USP37: variants seen among roughly 807,000 people sequenced by gnomAD.
USP37 encodes ubiquitin carboxyl-terminal hydrolase 37.
In USP37, 27 loss-of-function variants were observed where a neutral mutation model predicts 124.0. The observed-to-expected ratio is 0.22, with a 90% CI of 0.16 to 0.30. USP37 has a LOEUF of 0.30. Ranked by LOEUF, USP37 falls within the 10% of genes least tolerant of loss-of-function variation. The pLI, the probability that USP37 is intolerant of heterozygous loss-of-function variation, is 1.00. For synonymous variants in USP37, 365 were observed against 388.0 expected (o/e 0.94, Z 0.70); for missense variants, 889 against 1,140.4 (o/e 0.78, Z 3.17).
chr2:218,486,260 A>G (rs1691553707), intron 15 of USP37: 2 of 152,414 alleles, frequency 1.3e-5, no homozygotes, highest in South Asian at 4.1e-4. Flanking sequence ...CCTAGAGAAC[A>G]CTGAAACAAG....
At chr2:218,458,866 A>G (rs1280181133) in intron 23 of USP37, among the ~76,000 whole-genome samples, 1 of 152,138 alleles carries the variant, frequency 6.6e-6, no homozygotes, top group Admixed American at 6.6e-5. Flanking sequence ...CAGGAGTCTG[A>G]AGCCAGCCTG....
chr2:218,474,987 TCTTTGATG>T, intron 19 of USP37, 102 bp from the exon 20 acceptor site: 2 of 1,240,236 alleles, frequency 1.6e-6, no homozygotes, highest in Non-Finnish European at 2.2e-6. Context: ...AAGTTTCCTT[TCTTTGATG>T]CTTTGGGTTA....
chr2:218,567,377 C>A (rs1467797575), intron 1 of USP37, among the ~76,000 whole-genome samples: 1 of 152,102 alleles, frequency 6.6e-6, no homozygotes, highest in East Asian at 1.9e-4. Context: ...TACTCTTTTT[C>A]GGCAATTTCA....
At position 218,533,074 on chromosome 2, in the gene USP37, AT is replaced by A. The variant is rs374467819; in HGVS notation, c.778+1534del. Among the ~76,000 whole-genome samples the A allele has an allele frequency of 2.0e-4, 31 of 152,182 alleles. 1 individual carries two copies. In the East Asian group the frequency reaches 4.4e-3, roughly 22 times the overall value. ...CTTGCTTTTTTGTGCTATTAGCTTT[AT>A]TTATGTGGTCTGGAACTACATCTGC... is the stretch of plus-strand genomic sequence containing the variant. On this transcript the variant is annotated intron_variant, in intron 9 of 25. Coordinates refer to ENST00000258399, the MANE Select transcript of USP37 (RefSeq NM_020935.3).
At chr2:218,467,590 G>A (rs1277384862) in intron 20 of USP37, among the ~76,000 whole-genome samples, 1 of 151,864 alleles carries the variant, frequency 6.6e-6, no homozygotes, top group Non-Finnish European at 1.5e-5. Flanking sequence ...CTTGTGATCC[G>A]CCCACCTCAG....
At chr2:218,557,270 G>A (rs1002218208) in intron 4 of USP37, among the ~76,000 whole-genome samples, 1 of 152,038 alleles carries the variant, frequency 6.6e-6, no homozygotes, top group African/African-American at 2.4e-5. Context: ...TGAAGTCACA[G>A]GTAAAACCGT....
chr2:218,539,575 C>T (rs2106035055), intron 8 of USP37, among the ~76,000 whole-genome samples: 1 of 151,968 alleles, frequency 6.6e-6, no homozygotes, highest in African/African-American at 2.4e-5. Flanking sequence ...ATTAGCTAGG[C>T]ACGGTGGTGA....
At chr2:218,506,519 G>C (rs1689688884) in intron 11 of USP37, among the ~76,000 whole-genome samples, 1 of 150,852 alleles carries the variant, frequency 6.6e-6, no homozygotes, top group South Asian at 2.1e-4. Context: ...TCGAACTCCT[G>C]ACCTCAGGCG....
At chr2:218,458,100 T>G (rs977533027) in intron 23 of USP37, among the ~76,000 whole-genome samples, 1 of 149,102 alleles carries the variant, frequency 6.7e-6, no homozygotes, top group Non-Finnish European at 1.5e-5. Flanking sequence ...GGAATATGGC[T>G]ATATGTAAAC....
chr2:218,470,969 G>A (rs1690649153), intron 20 of USP37, among the ~76,000 whole-genome samples: 2 of 152,154 alleles, frequency 1.3e-5, no homozygotes, highest in African/African-American at 4.8e-5. Context: ...GAGGGAGAGA[G>A]GGAGGGAGAA....
At chr2:218,556,624 C>T (rs1692997770) in intron 4 of USP37, among the ~76,000 whole-genome samples, 1 of 147,392 alleles carries the variant, frequency 6.8e-6, no homozygotes, top group Admixed American at 6.9e-5. Flanking sequence ...AGCTATTCTC[C>T]TGCTTCAGCC....
chr2:218,539,630 G>A (rs1015638793), intron 8 of USP37, among the ~76,000 whole-genome samples: 14 of 151,992 alleles, frequency 9.2e-5, no homozygotes, highest in East Asian at 1.9e-4. Flanking sequence ...TGGAAGGATC[G>A]CCTGAGCCCG....
At position 218,450,634 on chromosome 2, in the gene USP37, C is replaced by T. The variant is rs1016089533; in HGVS notation, c.*4296G>A. 4.6e-5 allele frequency: 7 copies of T among 152,364 alleles called. No homozygotes were observed. Among genetic ancestry groups the T allele is most frequent in the Non-Finnish European group, 7.4e-5 (5 of 68,006 alleles). The allele number at this position is 152,364 out of a possible 1,614,324, so 9.4% of individuals were successfully genotyped here. On this transcript the variant is annotated 3_prime_UTR_variant, in exon 26 of 26. Transcript: ENST00000258399. ...ACCTGGGGACAAGAGGTGTGCACAC[C>T]CACATGTGGTCTCACTCTTCACACA... is the stretch of plus-strand genomic sequence containing the variant.
At chr2:218,484,700 G>T (rs1691458678) in intron 16 of USP37, among the ~76,000 whole-genome samples, 2 of 150,978 alleles carry the variant, frequency 1.3e-5, no homozygotes, top group Admixed American at 6.6e-5. Context: ...AGTAGATTAT[G>T]AAATGTAAAA....
At chr2:218,498,237 TA>T (rs1363979649) in intron 11 of USP37, 80 bp from the exon 12 acceptor site, 1 of 1,402,012 alleles carries the variant, frequency 7.1e-7, no homozygotes, top group African/African-American at 1.5e-5. Flanking sequence ...TTCTCCACTT[TA>T]TGTTTCAGAA....
At chr2:218,553,525 G>C in intron 5 of USP37, 28 bp downstream of exon 5, 6 of 1,570,940 alleles carry the variant, frequency 3.8e-6, no homozygotes, top group Non-Finnish European at 5.2e-6. Flanking sequence ...AAATACTAAC[G>C]TTAGACCCTG....
At chr2:218,501,663 A>G (rs540680691) in intron 11 of USP37, among the ~76,000 whole-genome samples, 18 of 152,310 alleles carry the variant, frequency 1.2e-4, no homozygotes, top group Non-Finnish European at 2.6e-4. Context: ...GGAGCACCCA[A>G]ACAGAGCCTA....
At chr2:218,486,629 G>A (rs1358891451) in intron 15 of USP37, among the ~76,000 whole-genome samples, 15 of 152,172 alleles carry the variant, frequency 9.9e-5, no homozygotes, top group Admixed American at 9.8e-4. Flanking sequence ...TGCCGTGTTG[G>A]CCAGGCTGGT....
Position 218,509,899 on chromosome 2 carries a change from TTTAA to T in USP37, c.1025+76_1025+79del. The T allele has an allele frequency of 3.8e-6, 5 of 1,329,032 alleles. No individual in the cohort carries two copies. In the South Asian group the frequency reaches 1.1e-4, roughly 29 times the overall value. 82.3% of individuals were successfully genotyped at this position (1,329,032 alleles called of 1,614,324 possible). A position where few individuals can be genotyped will look rare whatever the true frequency, so the allele number is the denominator to read the frequency against. On this transcript the variant is annotated intron_variant, in intron 11 of 25. Transcript: ENST00000258399. Reference sequence around the variant, plus strand: ...TATTTTAGAACTTTAATGTGACTCCTTTAATTACATTTTACACCAAAGCACACTT... The same window carrying T: ...TATTTTAGAACTTTAATGTGACTCCTTTACATTTTACACCAAAGCACACTT...
Sources: allele counts gnomAD v4.1 joint callset (sites outside exome capture counted in the v4.1 genomes callset), GRCh38; gene constraint gnomAD v4.1.1; transcripts MANE v1.5; gene names NCBI Gene and HGNC (gene_info 2026-07-23, HGNC 2026-07-21).